Variants in MAML1 observed in about 807,000 individuals in gnomAD.
The protein encoded by MAML1 is mastermind-like protein 1.
MAML1 carries 14 observed loss-of-function variants against 77.1 expected under a neutral mutation model. The observed-to-expected ratio is 0.18, with a 90% CI of 0.12 to 0.28. The LOEUF (loss-of-function observed/expected upper bound fraction) is 0.28, where lower values mean the gene tolerates loss of function less well. Ranked by LOEUF, MAML1 falls within the 10% of genes least tolerant of loss-of-function variation. The probability of loss-of-function intolerance (pLI) is 1.00; values close to 1 mark genes in which losing one functional copy is unlikely to be tolerated. For missense variants in MAML1, 1,217 were observed against 1,327.8 expected, an observed-to-expected ratio of 0.92 and a Z score of 1.30; for synonymous variants, 516 against 551.9, an observed-to-expected ratio of 0.93 and a Z score of 0.91.
In MAML1 at chr5:179,765,473, C is replaced by T; in HGVS notation, c.463C>T (p.Leu155=). The change falls in exon 2 of 5, where the codon CTG becomes TTG. Residue 155 remains leucine (L), a synonymous_variant. Coordinates refer to ENST00000292599, the MANE Select transcript of MAML1 (RefSeq NM_014757.5). The part of the protein sequence containing the change: ...PLGVAISSNG[L]PPASPLGQSD... ...GGGAGTTGCCATCTCTTCCAATGGACTGCCTCCAGCCTCCCCCCTCGGTCA... is the reference window on the plus strand; with the variant it reads ...GGGAGTTGCCATCTCTTCCAATGGATTGCCTCCAGCCTCCCCCCTCGGTCA... 1 of 1,614,188 alleles carries T rather than the reference C, an allele frequency of 6.2e-7. No homozygotes were observed. The highest frequency in any genetic ancestry group is 8.5e-7 in the Non-Finnish European group (1 of 1,180,030).
intron 1 of MAML1, among the ~76,000 whole-genome samples, chr5:179,753,655 T>TA (rs1779552122): frequency 3.8e-5 from 2 of 52,846 alleles, no homozygotes; most frequent in African/African-American, 1.1e-4. Context: ...ATTATTATTA[T>TA]TTTTTTTTTT....
intron 2 of MAML1, among the ~76,000 whole-genome samples, chr5:179,767,877 C>T (rs1228345164): frequency 6.6e-6 from 1 of 152,256 alleles, no homozygotes; most frequent in African/African-American, 2.4e-5. Context: ...CTATCTTCTG[C>T]TAAGTTCCCC....
Position 179,766,735 on chromosome 5 carries a change from T to C in MAML1, c.1725T>C (p.Pro575=). ...TGCCTTTCCGATCACTGGTTCCACC[T>C]GGCCAGGTAAGTATGAGCCTTTGCT... The part of the protein sequence containing the change: ...GNMPFRSLVP[P]GQEQNPSSVP... Residue 575 remains proline, a synonymous_variant, in exon 2 of 5, where the codon CCT becomes CCC. Coordinates refer to ENST00000292599, the MANE Select transcript of MAML1 (RefSeq NM_014757.5). This position sits in a 1 kb window ranked among gnomAD's most constrained non-coding sequence, Gnocchi z 4.0. 6.5e-7 allele frequency: 1 copy of C among 1,545,094 alleles called. No individual in the cohort carries two copies. The highest frequency in any genetic ancestry group is 1.4e-5 in the African/African-American group (1 of 72,918).
At chr5:179,738,420 G>A (rs1257453984) in intron 1 of MAML1, among the ~76,000 whole-genome samples, 1 of 152,184 alleles carries the variant, frequency 6.6e-6, no homozygotes, top group Non-Finnish European at 1.5e-5. Flanking sequence ...ATACTGTACT[G>A]TAATCATGTG....
intron 4 of MAML1, 24 bp from the exon 5 acceptor site, chr5:179,773,871 G>C: frequency 6.3e-7 from 1 of 1,593,930 alleles, no homozygotes; most frequent in East Asian, 2.2e-5. Context: ...ACTCCTGACT[G>C]CCAGACTCTT....
chr5:179,762,779 C>A (rs1779746245), intron 1 of MAML1, among the ~76,000 whole-genome samples: 1 of 152,234 alleles, frequency 6.6e-6, no homozygotes, highest in African/African-American at 2.4e-5. Context: ...ATCAGACACT[C>A]CTGCAAATGC....
At chr5:179,755,298 G>C (rs540745868) in intron 1 of MAML1, among the ~76,000 whole-genome samples, 1 of 152,328 alleles carries the variant, frequency 6.6e-6, no homozygotes, top group East Asian at 1.9e-4. Flanking sequence ...ACAAAGAACA[G>C]AGTGACCTTG....
chr5:179,739,029 G>T (rs1239212593), intron 1 of MAML1, among the ~76,000 whole-genome samples: 1 of 152,030 alleles, frequency 6.6e-6, no homozygotes, highest in Non-Finnish European at 1.5e-5. Flanking sequence ...TCAGCTTTCT[G>T]ACTTTTTTTC....
Position 179,765,237 on chromosome 5 carries a change from C to T in MAML1, c.316-89C>T, listed in dbSNP as rs79273437. Reference sequence around the variant, plus strand: ...TATGCAAGCAGAACCCACTGGCGAGCATTGCAGGGACATCAGCCCTTGGCT... The same window carrying T: ...TATGCAAGCAGAACCCACTGGCGAGTATTGCAGGGACATCAGCCCTTGGCT... On this transcript the variant is annotated intron_variant, in intron 1 of 4. Coordinates refer to ENST00000292599, the MANE Select transcript of MAML1 (RefSeq NM_014757.5). The T allele has an allele frequency of 4.0e-3, 4,478 of 1,114,910 alleles. 10 individuals are homozygous for T. Among genetic ancestry groups the T allele is most frequent in the Non-Finnish European group, 5.4e-3 (4,134 of 770,196 alleles). 69.1% of individuals were successfully genotyped at this position (1,114,910 alleles called of 1,614,324 possible). A position where few individuals can be genotyped will look rare whatever the true frequency, so the allele number is the denominator to read the frequency against.
intron 1 of MAML1, among the ~76,000 whole-genome samples, chr5:179,739,896 GACACCAAGGGAACTGCTGTGT>G (rs1225909585): frequency 2.0e-5 from 3 of 152,130 alleles, no homozygotes. Context: ...ATTCCCCATG[GACACCAAGGGAACTGCTGTGT>G]ACAGTAGCGA....
intron 1 of MAML1, among the ~76,000 whole-genome samples, chr5:179,741,220 C>T (rs980513869): frequency 1.3e-5 from 2 of 152,184 alleles, no homozygotes; most frequent in African/African-American, 4.8e-5. Context: ...TTTCAACCAA[C>T]ATTGAAGTCC....
rs758869741 is a variant in MAML1, at chr5:179,769,559, CTTTTTTTT to C, written c.1971+475_1971+482del. On this transcript the variant is annotated intron_variant, in intron 3 of 4. Transcript: ENST00000292599. This position sits in a 1 kb window ranked among gnomAD's most constrained non-coding sequence, Gnocchi z 4.2. ...GCACTAAGGGTTACAAGTGAGAGTTCTTTTTTTTTTTTGGAGACAGAGTCTTGCTGTCA... is the reference window on the plus strand; with the variant it reads ...GCACTAAGGGTTACAAGTGAGAGTTCTTTTGGAGACAGAGTCTTGCTGTCA... Among the ~76,000 whole-genome samples, 1 of 145,870 alleles carries C rather than the reference CTTTTTTTT, an allele frequency of 6.9e-6. No individual in the cohort carries two copies. The highest frequency in any genetic ancestry group is 2.5e-5 in the African/African-American group (1 of 39,890).
intron 1 of MAML1, among the ~76,000 whole-genome samples, chr5:179,735,719 G>A (rs961332542): frequency 6.7e-6 from 1 of 148,774 alleles, no homozygotes; most frequent in Non-Finnish European, 1.5e-5. Context: ...ACAGCGTCTC[G>A]CCCTGTCACC....
chr5:179,736,543 G>A (rs1034279212), intron 1 of MAML1, among the ~76,000 whole-genome samples: 1 of 151,854 alleles, frequency 6.6e-6, no homozygotes, highest in Non-Finnish European at 1.5e-5. Context: ...GAGCCGCCAC[G>A]CTTGGCCTGT....
Position 179,776,434 on chromosome 5 carries a change from G to A in MAML1, c.*1557G>A. 1 of 985,876 alleles carries A rather than the reference G, an allele frequency of 1.0e-6. No individual in the cohort carries two copies. The highest frequency in any genetic ancestry group is 1.2e-6 in the Non-Finnish European group (1 of 829,950). 61.1% of individuals were successfully genotyped at this position (985,876 alleles called of 1,614,324 possible). A position where few individuals can be genotyped will look rare whatever the true frequency, so the allele number is the denominator to read the frequency against. Reference sequence around the variant, plus strand: ...GTGCCTTTCTCACTGGGGGTACTTGGACCCTCAGATCTTCTTTTCTAATAG... The same window carrying A: ...GTGCCTTTCTCACTGGGGGTACTTGAACCCTCAGATCTTCTTTTCTAATAG... On this transcript the variant is annotated 3_prime_UTR_variant, in exon 5 of 5. Coordinates refer to ENST00000292599, the MANE Select transcript of MAML1 (RefSeq NM_014757.5).
At chr5:179,748,935 GAA>G (rs1214366232) in intron 1 of MAML1, among the ~76,000 whole-genome samples, 23 of 143,672 alleles carry the variant, frequency 1.6e-4, no homozygotes, top group South Asian at 2.4e-4. Context: ...GAATAAGTGA[GAA>G]AAAGGTGTTT....
chr5:179,740,685 C>G (rs1182590305), intron 1 of MAML1, among the ~76,000 whole-genome samples: 2 of 151,972 alleles, frequency 1.3e-5, no homozygotes, highest in Admixed American at 1.3e-4. Context: ...GATGCCAGGG[C>G]TGGGGCTGGT....
intron 1 of MAML1, 50 bp downstream of exon 1, chr5:179,733,477 G>GA (rs1316396439): frequency 9.2e-7 from 1 of 1,082,054 alleles, no homozygotes; most frequent in Non-Finnish European, 1.1e-6. Flanking sequence ...CCCCTCTCCC[G>GA]AAAACGCTTC....
At chr5:179,764,636 G>A (rs1237867324) in intron 1 of MAML1, among the ~76,000 whole-genome samples, 1 of 150,126 alleles carries the variant, frequency 6.7e-6, no homozygotes, top group African/African-American at 2.5e-5. Flanking sequence ...CTCCAGCCTG[G>A]GCAACAAGAG....
Sources: allele counts gnomAD v4.1 joint callset (sites outside exome capture counted in the v4.1 genomes callset), GRCh38; gene constraint gnomAD v4.1.1; non-coding constraint Gnocchi (gnomAD v3.1); transcripts MANE v1.5; gene names NCBI Gene and HGNC (gene_info 2026-07-23, HGNC 2026-07-21).